Variants in METTL6 observed in about 807,000 individuals in gnomAD.
The protein encoded by METTL6 is tRNA N(3)-cytidine methyltransferase METTL6.
Under a neutral mutation model 26.4 loss-of-function variants are expected in METTL6, and 22 were observed. The ratio of observed to expected loss-of-function variants is 0.83; its 90% CI spans 0.59 to 1.19. METTL6 has a LOEUF of 1.19. Ranked by LOEUF, METTL6 falls within the 50% of genes most tolerant of loss-of-function variation. The pLI is 0.00. For synonymous variants in METTL6, 109 were observed against 116.2 expected (o/e 0.94, Z 0.40); for missense variants, 304 against 324.8 (o/e 0.94, Z 0.49).
rs768313233 is a variant in METTL6, at chr3:15,411,280, G to A, written c.831C>T (p.Val277=). Residue 277 remains valine (V), a synonymous_variant, in exon 6 of 6, where the codon GTC becomes GTT. Coordinates refer to ENST00000383790, the MANE Select transcript of METTL6 (RefSeq NM_152396.4). ...LKPPKNPSPV[V]LGLDPKS is the part of the protein sequence containing the mutation. ...GTCAGGACTTAGGATCCAGGCCCAGGACCACAGGAGATGGGTTCTTAGGAG... is the reference window on the plus strand; with the variant it reads ...GTCAGGACTTAGGATCCAGGCCCAGAACCACAGGAGATGGGTTCTTAGGAG... 6.2e-7 allele frequency: 1 copy of A among 1,614,016 alleles called. No homozygotes were observed. Among genetic ancestry groups the A allele is most frequent in the Non-Finnish European group, 8.5e-7 (1 of 1,180,022 alleles).
exon 7 of METTL6, chr3:15,384,123 T>C: frequency 2.5e-6 from 1 of 408,148 alleles, no homozygotes; most frequent in Non-Finnish European, 4.8e-6. Flanking sequence ...CTGTGGTTCA[T>C]ATAATACAAA....
intron 6 of METTL6, among the ~76,000 whole-genome samples, chr3:15,402,684 A>G (rs1272781892): frequency 1.3e-5 from 2 of 149,338 alleles, no homozygotes; most frequent in African/African-American, 4.9e-5. Flanking sequence ...CAGTGAGCCG[A>G]GATGGGGTGC....
intron 6 of METTL6, among the ~76,000 whole-genome samples, chr3:15,401,536 CAA>C (rs35578326): frequency 4.2e-4 from 30 of 71,844 alleles, no homozygotes; most frequent in East Asian, 1.1e-3. Context: ...ATGTTCACGC[CAA>C]AAAAAAAAAA....
rs1372026997 is a variant in METTL6 at position 15,410,581 on chromosome 3, G to A, written c.*675C>T. 6.6e-6 allele frequency among the ~76,000 whole-genome samples: 1 copy of A among 152,050 alleles called. No individual in the cohort carries two copies. Among genetic ancestry groups the A allele is most frequent in the African/African-American group, 2.4e-5 (1 of 41,380 alleles). ...TGGCCTTGGCCTCTCAAAGTGCTGG[G>A]GTTATAGGCATGAGCCTATAACCCT... On this transcript the variant is annotated 3_prime_UTR_variant, in exon 6 of 6. Coordinates refer to ENST00000383790, the MANE Select transcript of METTL6 (RefSeq NM_152396.4).
At chr3:15,382,571 T>G (rs1038501858) in exon 7 of METTL6, 4 of 147,104 alleles carry the variant, frequency 2.7e-5, no homozygotes, top group Non-Finnish European at 4.4e-5. Flanking sequence ...GAGGCTGAGG[T>G]AGGAGGATTG....
In METTL6 at chr3:15,385,232, T is replaced by C. The variant is rs529435739; in HGVS notation, c.*12-1045A>G. ...ATCTTCATGTTCCTGGAATTTGTGA[T>C]ACAAAGAACAACATATGCCAATTAG... is the stretch of plus-strand genomic sequence containing the variant. On this transcript the variant is annotated intron_variant, in intron 6 of 6. Coordinates refer to the METTL6 transcript ENST00000443029. Among the ~76,000 whole-genome samples, 5 of 152,364 alleles carry C rather than the reference T, an allele frequency of 3.3e-5. No individual in the cohort carries two copies. In the East Asian group the frequency reaches 9.6e-4, roughly 29 times the overall value.
At chr3:15,426,232 C>T (rs1259375175) in intron 2 of METTL6, 55 bp downstream of exon 2, 49 of 1,543,104 alleles carry the variant, frequency 3.2e-5, no homozygotes, top group Non-Finnish European at 4.3e-5. Flanking sequence ...AGCCATGGCA[C>T]CCTCTTCACA....
chr3:15,418,497 T>A (rs1378742559), intron 3 of METTL6, among the ~76,000 whole-genome samples: 1 of 151,508 alleles, frequency 6.6e-6, no homozygotes, highest in African/African-American at 2.4e-5. Flanking sequence ...AAACTGAAAA[T>A]GCAAAAAGGA....
At chr3:15,396,014 T>C (rs1386894702) in intron 6 of METTL6, among the ~76,000 whole-genome samples, 1 of 152,196 alleles carries the variant, frequency 6.6e-6, no homozygotes, top group Non-Finnish European at 1.5e-5. Flanking sequence ...TGGTGTTCTC[T>C]GTATTTCCTG....
chr3:15,404,829 G>C (rs1699743491), downstream of METTL6, among the ~76,000 whole-genome samples: 1 of 152,110 alleles, frequency 6.6e-6, no homozygotes, highest in African/African-American at 2.4e-5. Context: ...ACAGGCATAT[G>C]CTACTGTGCC....
chr3:15,403,528 C>A (rs561559412), intron 6 of METTL6, among the ~76,000 whole-genome samples: 1 of 152,182 alleles, frequency 6.6e-6, no homozygotes, highest in East Asian at 1.9e-4. Context: ...ATGGCACTCA[C>A]GATTTCCACA....
chr3:15,409,517 C>G (rs550167475), downstream of METTL6, among the ~76,000 whole-genome samples: 16 of 152,352 alleles, frequency 1.1e-4, no homozygotes, highest in South Asian at 3.3e-3. Context: ...TCATTTACCC[C>G]TTGCTACTGC....
At chr3:15,413,753 G>A in intron 5 of METTL6, 1 of 1,394,788 alleles carries the variant, frequency 7.2e-7, no homozygotes, top group Non-Finnish European at 9.4e-7. Context: ...TTCCTAGTAG[G>A]GAATCCACAT....
At chr3:15,413,761 C>T (rs1462332092) in intron 5 of METTL6, 1 of 1,410,604 alleles carries the variant, frequency 7.1e-7, no homozygotes, top group African/African-American at 1.4e-5. Flanking sequence ...AGGGAATCCA[C>T]ATGGCATGTC....
Position 15,382,734 on chromosome 3 carries a change from A to G in METTL6, c.*1465T>C, listed in dbSNP as rs570653718. ...TAGGATCCTTCTGGAAACCCCACGA[A>G]AATGACAGCAAAAGGATATTTTTAT... is the stretch of plus-strand genomic sequence containing the variant. On this transcript the variant is annotated 3_prime_UTR_variant, in exon 7 of 7. Coordinates refer to the METTL6 transcript ENST00000443029. 2.0e-5 allele frequency: 3 copies of G among 152,292 alleles called. No homozygotes were observed. In the East Asian group the frequency reaches 5.8e-4, roughly 29 times the overall value. 9.4% of individuals were successfully genotyped at this position (152,292 alleles called of 1,614,324 possible).
At chr3:15,393,621 T>C (rs1219678149) in intron 6 of METTL6, among the ~76,000 whole-genome samples, 1 of 152,224 alleles carries the variant, frequency 6.6e-6, no homozygotes, top group Non-Finnish European at 1.5e-5. Flanking sequence ...CAGTATGATA[T>C]TGGCTGTGGG....
At chr3:15,422,623 C>G (rs2061633298) in intron 3 of METTL6, among the ~76,000 whole-genome samples, 1 of 151,574 alleles carries the variant, frequency 6.6e-6, no homozygotes, top group Non-Finnish European at 1.5e-5. Context: ...AAGACCATGT[C>G]AATTAAAATA....
rs768716252 is a variant in METTL6 at position 15,414,062 on chromosome 3, T to C, written c.632A>G (p.Tyr211Cys). Residue 211 changes from tyrosine (Y) to cysteine (C), a missense_variant, in exon 5 of 6, where the codon TAT (tyrosine) becomes TGT (cysteine). Physicochemically the swap from Tyr to Cys is radical, Grantham distance 194 (BLOSUM62 -2). Coordinates refer to ENST00000383790, the MANE Select transcript of METTL6 (RefSeq NM_152396.4). ...TGATCTGGTCCCATCTTGTCTAACA[T>C]AAAAGTTTTCTCCAAGTTTGCTGCT... ...KASSKLGENF[Y>C]VRQDGTRSYF... The C allele has an allele frequency of 2.5e-6, 4 of 1,614,058 alleles. No homozygotes were observed. The highest frequency in any genetic ancestry group is 3.4e-6 in the Non-Finnish European group (4 of 1,180,036).
At chr3:15,405,089 T>G (rs1223491933), downstream of METTL6, among the ~76,000 whole-genome samples, 3 of 152,204 alleles carry the variant, frequency 2.0e-5, no homozygotes, top group Non-Finnish European at 4.4e-5. Flanking sequence ...GCTTTGGCCT[T>G]AATTCCAAAC....
Sources: gnomAD v4.1 joint callset for allele counts (sites outside exome capture counted in the v4.1 genomes callset) on GRCh38, gnomAD v4.1.1 for gene constraint, MANE v1.5 for transcripts, NCBI Gene and HGNC (gene_info 2026-07-23, HGNC 2026-07-21) for gene names.